SEMA6D: variants seen among roughly 807,000 people sequenced by gnomAD.
SEMA6D encodes the protein semaphorin-6D.
A neutral mutation model predicts 106.6 loss-of-function variants in SEMA6D; 35 were observed. The ratio of observed to expected loss-of-function variants is 0.33; its 90% CI spans 0.25 to 0.44. The LOEUF (loss-of-function observed/expected upper bound fraction) is 0.44. Ranked by LOEUF, SEMA6D falls within the 20% of genes least tolerant of loss-of-function variation. The pLI is 1.00. For missense variants in SEMA6D, 1,185 were observed against 1,345.9 expected, an observed-to-expected ratio of 0.88 and a Z score of 1.87; for synonymous variants, 499 against 487.7, an observed-to-expected ratio of 1.02 and a Z score of -0.31.
chr15:47,227,878 GA>G, intron 1 of SEMA6D, among the ~76,000 whole-genome samples: 1 of 139,194 alleles, frequency 7.2e-6, no homozygotes, highest in Admixed American at 7.5e-5. Flanking sequence ...ATATATATAA[GA>G]ATCATATATA....
intron 1 of SEMA6D, among the ~76,000 whole-genome samples, chr15:47,277,457 A>C (rs1046567018): frequency 5.3e-5 from 8 of 151,956 alleles, no homozygotes; most frequent in Non-Finnish European, 8.8e-5. Context: ...CTGATCATCA[A>C]CAGAGAGGCA....
In SEMA6D at chr15:47,771,713, T is replaced by C; in HGVS notation, c.3150T>C (p.Pro1050=). ...TAAAGAGGACGCCGTCCTTAAAACC[T>C]GACGTGCCACCAAAGCCTTCCTTTG... The part of the protein sequence containing the change: ...TGLKRTPSLK[P]DVPPKPSFVP... The change falls in exon 19 of 19, where the codon CCT becomes CCC. Residue 1050 remains proline (P), a synonymous_variant. Transcript: ENST00000536845. 1 of 1,614,118 alleles carries C rather than the reference T, an allele frequency of 6.2e-7. No individual in the cohort carries two copies. The highest frequency in any genetic ancestry group is 8.5e-7 in the Non-Finnish European group (1 of 1,179,972).
rs775605823 is a variant in SEMA6D at position 47,771,430 on chromosome 15, C to T, written c.2867C>T (p.Thr956Ile). ...CCCACCACTCCTGGAGTCCCAATGACTTCTCTGGAAAGACAAAGAGGTTAT... is the reference window on the plus strand; with the variant it reads ...CCCACCACTCCTGGAGTCCCAATGATTTCTCTGGAAAGACAAAGAGGTTAT... ...DVPTTPGVPM[T>I]SLERQRGYHK... Residue 956 changes from threonine (T) to isoleucine (I), a missense_variant, in exon 19 of 19, where the codon ACT (threonine) becomes ATT (isoleucine). Thr to Ile is a moderately conservative substitution (Grantham distance 89). Around this residue, in one of 3 missense-constraint regions of SEMA6D, gnomAD observed 750 missense variants for 783.5 expected, o/e 0.96. Transcript: ENST00000536845. 2 of 1,614,094 alleles carry T rather than the reference C, an allele frequency of 1.2e-6. No individual in the cohort carries two copies. The highest frequency in any genetic ancestry group is 1.7e-6 in the Non-Finnish European group (2 of 1,179,986).
Position 47,550,324 on chromosome 15 carries a change from A to G in SEMA6D, c.-86-50541A>G, listed in dbSNP as rs186085659. 1.0e-2 allele frequency among the ~76,000 whole-genome samples: 1,518 copies of G among 152,310 alleles called. 10 individuals carry two copies. The highest frequency in any genetic ancestry group is 0.02 in the Admixed American group (313 of 15,284). The stretch of plus-strand genomic sequence containing the variant: ...ACTCAAATATTTCTGTAATACCACA[A>G]GAGAGGTGTAGAGACAGAAATAACA... On this transcript the variant is annotated intron_variant, in intron 3 of 19. Transcript: ENST00000558014.
At chr15:47,646,751 A>T (rs1036336413) in intron 4 of SEMA6D, among the ~76,000 whole-genome samples, 1 of 152,246 alleles carries the variant, frequency 6.6e-6, no homozygotes, top group Non-Finnish European at 1.5e-5. Flanking sequence ...TTGTGTGCAT[A>T]GGACTGGATT....
intron 1 of SEMA6D, among the ~76,000 whole-genome samples, chr15:47,408,007 AG>A (rs756036681): frequency 1.6e-4 from 25 of 152,158 alleles, no homozygotes; most frequent in Non-Finnish European, 2.5e-4. Context: ...CCTCAGAAGG[AG>A]GGCAGTAGAT....
chr15:47,583,581 TC>T (rs1207365446), intron 3 of SEMA6D, among the ~76,000 whole-genome samples: 3 of 152,178 alleles, frequency 2.0e-5, no homozygotes, highest in African/African-American at 7.2e-5. Flanking sequence ...GACATGGCCC[TC>T]TTTTAAAAGT....
chr15:47,716,833 T>G (rs2079127609), upstream of SEMA6D, among the ~76,000 whole-genome samples: 1 of 150,794 alleles, frequency 6.6e-6, no homozygotes, highest in South Asian at 2.1e-4. Flanking sequence ...GAAATGGGAT[T>G]TTTAGTAGGC....
At chr15:47,483,165 C>T (rs1235790373) in intron 3 of SEMA6D, among the ~76,000 whole-genome samples, 1 of 152,152 alleles carries the variant, frequency 6.6e-6, no homozygotes, top group Non-Finnish European at 1.5e-5. Flanking sequence ...ATTTATAAAT[C>T]TTCACCATTT....
At position 47,485,557 on chromosome 15, in the gene SEMA6D, A is replaced by G. The variant is rs148921152; in HGVS notation, c.-87+15012A>G. Among the ~76,000 whole-genome samples the G allele has an allele frequency of 8.5e-3, 1,293 of 152,306 alleles. 22 individuals are homozygous for G. The highest frequency in any genetic ancestry group is 0.024 in the Middle Eastern group (7 of 294). On this transcript the variant is annotated intron_variant, in intron 3 of 19. Transcript: ENST00000558014. ...GAGTCATACAATACTTAAGCCAAAG[A>G]CAGTTATGGCAGGCTCCATTATATT...
intron 10 of SEMA6D, 53 bp from the exon 11 acceptor site, chr15:47,764,121 C>A: frequency 1.9e-6 from 3 of 1,612,604 alleles, no homozygotes; most frequent in East Asian, 2.2e-5. Context: ...CTGTCAGAAC[C>A]AAGACAGGCT....
chr15:47,361,885 T>C (rs2038823065), intron 1 of SEMA6D, among the ~76,000 whole-genome samples: 1 of 152,216 alleles, frequency 6.6e-6, no homozygotes, highest in African/African-American at 2.4e-5. Flanking sequence ...TCTGTAAAGC[T>C]GGGGCTGAGA....
At chr15:47,682,418 C>T (rs1405690888) in intron 4 of SEMA6D, among the ~76,000 whole-genome samples, 3 of 152,122 alleles carry the variant, frequency 2.0e-5, no homozygotes, top group South Asian at 2.1e-4. Context: ...CCGCCCCCCT[C>T]GGCCTCCCAA....
chr15:47,305,238 C>T (rs1441204715), intron 1 of SEMA6D, among the ~76,000 whole-genome samples: 1 of 152,148 alleles, frequency 6.6e-6, no homozygotes, highest in African/African-American at 2.4e-5. Flanking sequence ...CTCTCTTCCA[C>T]TATAATTACT....
At chr15:47,292,387 T>A (rs189746319) in intron 1 of SEMA6D, among the ~76,000 whole-genome samples, 1 of 152,348 alleles carries the variant, frequency 6.6e-6, no homozygotes, top group Admixed American at 6.5e-5. Context: ...AAACGAAGAC[T>A]TAATAAGTTT....
intron 3 of SEMA6D, among the ~76,000 whole-genome samples, chr15:47,599,521 A>G (rs760451301): frequency 2.0e-5 from 3 of 151,904 alleles, no homozygotes; most frequent in Non-Finnish European, 2.9e-5. Context: ...TGTATAAACT[A>G]TCCAGATGGA....
chr15:47,722,532 A>T (rs2079484483), intron 1 of SEMA6D, among the ~76,000 whole-genome samples: 1 of 152,204 alleles, frequency 6.6e-6, no homozygotes, highest in Non-Finnish European at 1.5e-5. Context: ...TTAAAGCAAG[A>T]ATAACATGAA....
chr15:47,461,928 TA>T (rs1158902862), intron 2 of SEMA6D, among the ~76,000 whole-genome samples: 1 of 152,056 alleles, frequency 6.6e-6, no homozygotes, highest in East Asian at 1.9e-4. Context: ...AGTCAATGCA[TA>T]CCAAGGTTTG....
intron 1 of SEMA6D, among the ~76,000 whole-genome samples, chr15:47,741,653 G>T (rs968456428): frequency 1.0e-3 from 158 of 152,262 alleles, no homozygotes; most frequent in African/African-American, 3.6e-3. Context: ...AGTGAAGGTT[G>T]CAGTGAGCCG....
Sources: gnomAD v4.1 joint callset for allele counts (sites outside exome capture counted in the v4.1 genomes callset) on GRCh38, gnomAD v4.1.1 for gene constraint, gnomAD v4.1.1 regional missense constraint, MANE v1.5 for transcripts, NCBI Gene and HGNC (gene_info 2026-07-23, HGNC 2026-07-21) for gene names.